CRPPA: variants seen among roughly 807,000 people sequenced by gnomAD.
The protein encoded by CRPPA is CDP-L-ribitol pyrophosphorylase A.
CRPPA carries 43 observed loss-of-function variants against 52.0 expected under a neutral mutation model. The ratio of observed to expected loss-of-function variants is 0.83; its 90% confidence interval spans 0.65 to 1.07. The LOEUF is 1.07. Among genes scored for constraint, CRPPA ranks in the 50% least tolerant of loss-of-function variants. CRPPA has a pLI of 0.00. For missense variants in CRPPA, 629 were observed against 551.7 expected, an observed-to-expected ratio of 1.14 and a Z score of -1.40; for synonymous variants, 250 against 203.5, an observed-to-expected ratio of 1.23 and a Z score of -1.94.
chr7:16,216,442 G>C lies in CRPPA; in HGVS notation c.1120-245C>G, dbSNP rs538509843. On this transcript the variant is annotated intron_variant, in intron 8 of 9. Transcript: ENST00000407010. Reference sequence around the variant, plus strand: ...AAACCAAATGCTGGGGAGGAGCCAAGATGGCCGAGTAGGAACAGCTCCGGT... The same window carrying C: ...AAACCAAATGCTGGGGAGGAGCCAACATGGCCGAGTAGGAACAGCTCCGGT... 2.4e-4 allele frequency: 81 copies of C among 341,890 alleles called. 1 individual carries two copies. Among genetic ancestry groups the C allele is most frequent in the South Asian group, 1.8e-3 (53 of 30,056 alleles). 21.2% of individuals were successfully genotyped at this position (341,890 alleles called of 1,614,324 possible).
intron 8 of CRPPA, among the ~76,000 whole-genome samples, chr7:16,242,027 C>G (rs1238278435): frequency 7.4e-6 from 1 of 134,386 alleles, no homozygotes; most frequent in African/African-American, 2.8e-5. Context: ...GGTGCGATCT[C>G]GGTTCACTGC....
intron 8 of CRPPA, among the ~76,000 whole-genome samples, chr7:16,255,524 C>T (rs1562589461): frequency 6.6e-6 from 1 of 152,146 alleles, no homozygotes; most frequent in African/African-American, 2.4e-5. Flanking sequence ...AGGCATCACG[C>T]TACCTGACTT....
At chr7:16,257,805 T>A (rs959575743) in intron 8 of CRPPA, among the ~76,000 whole-genome samples, 2 of 152,140 alleles carry the variant, frequency 1.3e-5, no homozygotes, top group Admixed American at 1.3e-4. Context: ...CTGAGTTTAC[T>A]CTCTGATAGT....
At chr7:16,218,275 A>G (rs1782388688) in intron 8 of CRPPA, among the ~76,000 whole-genome samples, 1 of 115,622 alleles carries the variant, frequency 8.6e-6, no homozygotes, top group Non-Finnish European at 1.8e-5. Flanking sequence ...CTGCCCTACA[A>G]GAGCTCCTGA....
rs145485193 is a variant in CRPPA at position 16,132,308 on chromosome 7, G to A, written c.1252-40509C>T. On this transcript the variant is annotated intron_variant, in intron 9 of 9. Coordinates refer to ENST00000407010, the MANE Select transcript of CRPPA (RefSeq NM_001101426.4). ...ATTGTATTTTGGAAACATATAACAT[G>A]TTTGTTTCACAGGTTCCCAGCTAGA... 8.4e-4 allele frequency among the ~76,000 whole-genome samples: 105 copies of A among 125,112 alleles called. 36 individuals are homozygous for A. In the East Asian group the frequency reaches 0.032, roughly 38 times the overall value. The allele number at this position is 125,112 out of a possible 152,430, so 82.1% of individuals were successfully genotyped here.
intron 2 of CRPPA, among the ~76,000 whole-genome samples, chr7:16,397,285 T>C (rs551611833): frequency 5.9e-5 from 9 of 152,088 alleles, no homozygotes; most frequent in African/African-American, 1.2e-4. Context: ...GGTGACACAA[T>C]TGTGACAAGT....
At position 16,271,849 on chromosome 7, in the gene CRPPA, T is replaced by C. The variant is rs150375827; in HGVS notation, c.933+6280A>G. ...AACTGGACAATATGCTCCTTGGAAA[T>C]AGGAAATCATACTTGCTCAGTTCAA... On this transcript the variant is annotated intron_variant, in intron 6 of 9. Transcript: ENST00000407010. Among the ~76,000 whole-genome samples the C allele has an allele frequency of 4.7e-3, 709 of 152,306 alleles. 1 individual carries two copies. Among genetic ancestry groups the C allele is most frequent in the Middle Eastern group, 0.01 (3 of 294 alleles).
intron 2 of CRPPA, among the ~76,000 whole-genome samples, chr7:16,388,436 T>C (rs1272032514): frequency 1.3e-5 from 2 of 152,118 alleles, no homozygotes; most frequent in East Asian, 3.8e-4. Context: ...TAAATGCCTA[T>C]ATAAAAAGAT....
chr7:16,264,244 G>T (rs1489976547), intron 6 of CRPPA, among the ~76,000 whole-genome samples: 1 of 152,128 alleles, frequency 6.6e-6, no homozygotes, highest in African/African-American at 2.4e-5. Flanking sequence ...TGTCATTCCT[G>T]ATGTTTCCAC....
chr7:16,241,417 T>A (rs1250234786), intron 8 of CRPPA, among the ~76,000 whole-genome samples: 1 of 152,092 alleles, frequency 6.6e-6, no homozygotes, highest in East Asian at 1.9e-4. Context: ...ACCAATAAAA[T>A]CATTGTATAT....
chr7:16,419,378 A>G (rs1212565509), intron 1 of CRPPA, among the ~76,000 whole-genome samples: 1 of 152,250 alleles, frequency 6.6e-6, no homozygotes, highest in East Asian at 1.9e-4. Context: ...CATAGGCCGA[A>G]CTAACCTTGG....
rs182924731 is a variant in CRPPA at position 16,314,877 on chromosome 7, A to G, written c.685-6250T>C. Among the ~76,000 whole-genome samples, 6 of 152,174 alleles carry G rather than the reference A, an allele frequency of 3.9e-5. No individual in the cohort carries two copies. In the East Asian group the frequency reaches 1.2e-3, roughly 29 times the overall value. ...TAGGTGTAGTTTATTTGGAATTTATACAGTCTGGTATTCCTGAAGCTTCCT... is the reference window on the plus strand; with the variant it reads ...TAGGTGTAGTTTATTTGGAATTTATGCAGTCTGGTATTCCTGAAGCTTCCT... On this transcript the variant is annotated intron_variant, in intron 3 of 9. Coordinates refer to ENST00000407010, the MANE Select transcript of CRPPA (RefSeq NM_001101426.4).
rs886044190 is a variant in CRPPA, at chr7:16,421,246, T to A, written c.77A>T (p.His26Leu). The part of the protein sequence containing the change: ...PCLSGQRGAD[H>L]TASASLQSVA... ...GCTCTGCAGGGAGGCGGAAGCCGTGTGGTCCGCGCCGCGCTGACCACTCAG... is the reference window on the plus strand; with the variant it reads ...GCTCTGCAGGGAGGCGGAAGCCGTGAGGTCCGCGCCGCGCTGACCACTCAG... The change falls in exon 1 of 10, where the codon CAC becomes CTC. Residue 26 changes from histidine to leucine, a missense_variant. His to Leu is a moderately conservative substitution (Grantham distance 99). Coordinates refer to ENST00000407010, the MANE Select transcript of CRPPA (RefSeq NM_001101426.4). The A allele has an allele frequency of 2.3e-6, 3 of 1,324,716 alleles. No individual in the cohort carries two copies. In the South Asian group the frequency reaches 6.6e-5, roughly 29 times the overall value. 82.1% of individuals were successfully genotyped at this position (1,324,716 alleles called of 1,614,324 possible).
At chr7:16,248,849 T>C (rs1783354086) in intron 8 of CRPPA, among the ~76,000 whole-genome samples, 1 of 152,152 alleles carries the variant, frequency 6.6e-6, no homozygotes, top group African/African-American at 2.4e-5. Flanking sequence ...AGGAACAGTA[T>C]ACTCTTGCCC....
chr7:16,362,364 A>AAC (rs1157751134), intron 3 of CRPPA, among the ~76,000 whole-genome samples: 1 of 152,192 alleles, frequency 6.6e-6, no homozygotes, highest in Non-Finnish European at 1.5e-5. Context: ...GGCAAAAAGG[A>AAC]ACACACACAG....
chr7:16,231,558 G>A (rs538890452), intron 8 of CRPPA, among the ~76,000 whole-genome samples: 25 of 152,090 alleles, frequency 1.6e-4, no homozygotes, highest in Admixed American at 7.2e-4. Flanking sequence ...CCTACCTAAC[G>A]TTACTACTTA....
intron 6 of CRPPA, among the ~76,000 whole-genome samples, chr7:16,263,205 A>C (rs960786418): frequency 2.6e-5 from 4 of 152,148 alleles, no homozygotes; most frequent in African/African-American, 9.7e-5. Flanking sequence ...ATTAAATCTA[A>C]AATAGTGACT....
At chr7:16,261,482 CATT>C (rs1783798397) in intron 6 of CRPPA, among the ~76,000 whole-genome samples, 1 of 152,036 alleles carries the variant, frequency 6.6e-6, no homozygotes, top group Non-Finnish European at 1.5e-5. Flanking sequence ...TAACATTAGA[CATT>C]ATCTACCTTC....
chr7:16,257,701 T>C (rs9918580), intron 8 of CRPPA, among the ~76,000 whole-genome samples: 81,195 of 151,928 alleles, frequency 0.53, 22,579 homozygotes, highest in Admixed American at 0.63. Flanking sequence ...TGAGAATTTA[T>C]GGTCTGGAAC....
Sources: gnomAD v4.1 joint callset for allele counts (sites outside exome capture counted in the v4.1 genomes callset) on GRCh38, gnomAD v4.1.1 for gene constraint, MANE v1.5 for transcripts, NCBI Gene and HGNC (gene_info 2026-07-23, HGNC 2026-07-21) for gene names.